The following SEC22C variants were observed in gnomAD, a reference collection of about 807,000 sequenced individuals.
The protein encoded by SEC22C is vesicle-trafficking protein SEC22c.
SEC22C carries 29 observed loss-of-function variants against 34.7 expected under a neutral mutation model. The ratio of observed to expected loss-of-function variants is 0.84; its 90% CI spans 0.62 to 1.14. SEC22C has a LOEUF of 1.14. SEC22C is among the 50% of genes most tolerant of loss of function. The pLI, the probability that SEC22C is intolerant of heterozygous loss-of-function variation, is 0.00. For missense variants in SEC22C, 337 were observed against 369.0 expected, an observed-to-expected ratio of 0.91 and a Z score of 0.71; for synonymous variants, 117 against 132.8, an observed-to-expected ratio of 0.88 and a Z score of 0.82.
Position 42,553,232 on chromosome 3 carries a change from C to G in SEC22C, c.*16G>C. The G allele has an allele frequency of 6.2e-7, 1 of 1,612,928 alleles. No homozygotes were observed. The highest frequency in any genetic ancestry group is 8.5e-7 in the Non-Finnish European group (1 of 1,179,702). On this transcript the variant is annotated 3_prime_UTR_variant, in exon 7 of 7. Coordinates refer to ENST00000264454, the MANE Select transcript of SEC22C (RefSeq NM_032970.4). ...TCAAAAGAAAATCAAAGAATCCATTCATCACAGTGTCATCCTCATACTCCA... is the reference window on the plus strand; with the variant it reads ...TCAAAAGAAAATCAAAGAATCCATTGATCACAGTGTCATCCTCATACTCCA...
At chr3:42,597,816 G>A (rs1194253436) in intron 1 of SEC22C, among the ~76,000 whole-genome samples, 1 of 152,136 alleles carries the variant, frequency 6.6e-6, no homozygotes, top group Non-Finnish European at 1.5e-5. Flanking sequence ...CAAAAGATTG[G>A]ACACCCAATC....
At chr3:42,557,722 T>C in intron 4 of SEC22C, 26 bp from the exon 5 acceptor site, 1 of 1,206,168 alleles carries the variant, frequency 8.3e-7, no homozygotes, top group Non-Finnish European at 1.2e-6. Flanking sequence ...AAAACAAGTG[T>C]CTAGTGTAAG....
intron 2 of SEC22C, chr3:42,565,654 C>G (rs1703190664): frequency 3.5e-6 from 1 of 282,690 alleles, no homozygotes; most frequent in Non-Finnish European, 6.9e-6. Flanking sequence ...GGAGACAGAG[C>G]CTGCAGTAAC....
Position 42,550,468 on chromosome 3 carries a change from G to T in SEC22C, c.*2780C>A, listed in dbSNP as rs982432027. ...CTAAGCCTGGGGATTTCCCTCGGAT[G>T]AAATCACCAGAACTTCTTTCCTATT... On this transcript the variant is annotated 3_prime_UTR_variant, in exon 7 of 7. Transcript: ENST00000264454. 5 of 985,322 alleles carry T rather than the reference G, an allele frequency of 5.1e-6. No homozygotes were observed. The African/African-American group carries it at 8.7e-5, about 17-fold the overall frequency. 61.0% of individuals were successfully genotyped at this position (985,322 alleles called of 1,614,324 possible).
chr3:42,600,846 C>A (rs1295690387), intron 1 of SEC22C: 2 of 466,526 alleles, frequency 4.3e-6, no homozygotes, highest in East Asian at 3.7e-5. Context: ...GAGGGGGCCT[C>A]GTCTTGGCCT....
chr3:42,600,012 A>G (rs1477434181), intron 1 of SEC22C, among the ~76,000 whole-genome samples: 1 of 152,254 alleles, frequency 6.6e-6, no homozygotes, highest in Non-Finnish European at 1.5e-5. Context: ...ATTGGGAAAA[A>G]GACTTCGCAA....
At chr3:42,591,173 A>ACGTCACAC (rs377557132) in intron 1 of SEC22C, 21,632 of 611,998 alleles carry the variant, frequency 0.035, 614 homozygotes, top group South Asian at 0.078. Context: ...CGCCGTCCAG[A>ACGTCACAC]CGTCACACTG....
At chr3:42,593,763 A>T (rs993950846) in intron 1 of SEC22C, among the ~76,000 whole-genome samples, 1 of 152,154 alleles carries the variant, frequency 6.6e-6, no homozygotes, top group African/African-American at 2.4e-5. Flanking sequence ...TGGGGGGAGG[A>T]GTGCTATTTT....
At chr3:42,593,026 C>CACAACAATAAAAAAAATACAGTATA (rs1161706980) in intron 1 of SEC22C, among the ~76,000 whole-genome samples, 9 of 152,042 alleles carry the variant, frequency 5.9e-5, no homozygotes, top group African/African-American at 1.9e-4. Flanking sequence ...AAAATAGCAA[C>CACAACAATAAAAAAAATACAGTATA]ACAACAATAA....
At chr3:42,577,935 A>C (rs1382844519) in intron 1 of SEC22C, among the ~76,000 whole-genome samples, 1 of 151,878 alleles carries the variant, frequency 6.6e-6, no homozygotes, top group East Asian at 1.9e-4. Context: ...GCACCATTGC[A>C]CTCCAGCCTG....
chr3:42,599,261 G>A (rs905535411), intron 1 of SEC22C, among the ~76,000 whole-genome samples: 5 of 150,656 alleles, frequency 3.3e-5, no homozygotes, highest in African/African-American at 9.7e-5. Context: ...CACCACGCCC[G>A]CCCATGTAAT....
At position 42,563,720 on chromosome 3, in the gene SEC22C, A is replaced by C. The variant is rs778873243; in HGVS notation, c.183-34T>G. 10 of 1,612,626 alleles carry C rather than the reference A, an allele frequency of 6.2e-6. No homozygotes were observed. The East Asian group carries it at 6.7e-5, about 11-fold the overall frequency. On this transcript the variant is annotated intron_variant, in intron 2 of 6. Coordinates refer to ENST00000264454, the MANE Select transcript of SEC22C (RefSeq NM_032970.4). ...AAAGGGCAATATCTGTATTACCAGG[A>C]AACAGCCCCATGTATTCCCATCCCA...
intron 1 of SEC22C, among the ~76,000 whole-genome samples, chr3:42,577,515 A>T (rs894210023): frequency 3.3e-5 from 5 of 152,202 alleles, no homozygotes. Flanking sequence ...GCATGAAAAG[A>T]TATTGAGCTA....
intron 1 of SEC22C, among the ~76,000 whole-genome samples, chr3:42,578,197 G>A (rs1455642058): frequency 6.6e-6 from 1 of 152,120 alleles, no homozygotes; most frequent in Non-Finnish European, 1.5e-5. Context: ...ACAAACCGCA[G>A]TATATTCATT....
intron 1 of SEC22C, among the ~76,000 whole-genome samples, chr3:42,569,485 C>T (rs915474696): frequency 2.0e-5 from 3 of 152,196 alleles, no homozygotes; most frequent in Non-Finnish European, 2.9e-5. Flanking sequence ...GGATTGATGT[C>T]AGTGACCTGT....
At chr3:42,573,049 G>T (rs548101243) in intron 1 of SEC22C, among the ~76,000 whole-genome samples, 3 of 151,866 alleles carry the variant, frequency 2.0e-5, no homozygotes, top group Non-Finnish European at 4.4e-5. Flanking sequence ...ACAGGGTCTC[G>T]CTATGTTGCT....
rs1553643864 is a variant in SEC22C, at chr3:42,557,557, TA to T, written c.645+20del. The T allele has an allele frequency of 0.18, 168,301 of 916,526 alleles. 28 individuals carry two copies. The highest frequency in any genetic ancestry group is 0.27 in the East Asian group (7,760 of 28,524). 56.8% of individuals were successfully genotyped at this position (916,526 alleles called of 1,614,324 possible). On this transcript the variant is annotated intron_variant, in intron 5 of 6. Coordinates refer to ENST00000264454, the MANE Select transcript of SEC22C (RefSeq NM_032970.4). ...ATATGTCCTTCAATTTAAACTGTTT[TA>T]AAAAAAAAAAAAAGGTTACCTGTAA...
intron 2 of SEC22C, among the ~76,000 whole-genome samples, chr3:42,568,662 A>T (rs895515995): frequency 6.6e-6 from 1 of 151,652 alleles, no homozygotes; most frequent in Non-Finnish European, 1.5e-5. Flanking sequence ...AAAAAAAAAA[A>T]AAAAAAGTTG....
chr3:42,562,711 T>C (rs2125705821), intron 3 of SEC22C, among the ~76,000 whole-genome samples: 1 of 152,232 alleles, frequency 6.6e-6, no homozygotes, highest in Admixed American at 6.5e-5. Flanking sequence ...CCAACTGCCA[T>C]CTCCATTCCT....
Sources: gnomAD v4.1 joint callset for allele counts (sites outside exome capture counted in the v4.1 genomes callset) on GRCh38, gnomAD v4.1.1 for gene constraint, MANE v1.5 for transcripts, NCBI Gene and HGNC (gene_info 2026-07-23, HGNC 2026-07-21) for gene names.